The following RAP1GAP variants were observed in gnomAD, a reference collection of about 807,000 sequenced individuals.
RAP1GAP encodes the protein rap1 GTPase-activating protein 1.
In RAP1GAP, 35 loss-of-function variants were observed where a neutral mutation model predicts 87.2. The ratio of observed to expected loss-of-function variants is 0.40; its 90% CI spans 0.31 to 0.53. RAP1GAP has a LOEUF of 0.53. Ranked by LOEUF, RAP1GAP falls within the 20% of genes least tolerant of loss-of-function variation. RAP1GAP has a pLI of 0.48. For missense variants in RAP1GAP, 734 were observed against 898.9 expected (o/e 0.82, Z 2.35); for synonymous variants, 375 against 363.9 (o/e 1.03, Z -0.35).
At chr1:21,651,465 C>T (rs1354926178) in intron 1 of RAP1GAP, 1 of 609,600 alleles carries the variant, frequency 1.6e-6, no homozygotes, top group Non-Finnish European at 3.2e-6. Flanking sequence ...AGCCCCGCAG[C>T]CCCAGTCACA....
intron 2 of RAP1GAP, among the ~76,000 whole-genome samples, chr1:21,646,301 A>G (rs2096054018): frequency 2.0e-5 from 3 of 152,206 alleles, no homozygotes; most frequent in African/African-American, 7.2e-5. Flanking sequence ...ATTCAGGGCT[A>G]CATCACTCCC....
intron 15 of RAP1GAP, 34 bp from the exon 16 acceptor site, chr1:21,608,970 G>A: frequency 6.4e-7 from 1 of 1,567,640 alleles, no homozygotes; most frequent in East Asian, 2.2e-5. Context: ...GATAAGGAAG[G>A]GAAGTTGAGA....
chr1:21,632,618 GC>G (rs1357857425), intron 2 of RAP1GAP, among the ~76,000 whole-genome samples: 1 of 152,224 alleles, frequency 6.6e-6, no homozygotes, highest in East Asian at 1.9e-4. Flanking sequence ...AGCAGGGTCA[GC>G]CCAGGCTCAG....
intron 1 of RAP1GAP, among the ~76,000 whole-genome samples, chr1:21,657,925 G>A (rs1240885715): frequency 6.6e-6 from 1 of 152,146 alleles, no homozygotes; most frequent in African/African-American, 2.4e-5. Flanking sequence ...CCCCGACAAG[G>A]CCCTCATTGA....
At chr1:21,652,855 C>G (rs2096672696) in intron 1 of RAP1GAP, among the ~76,000 whole-genome samples, 1 of 152,138 alleles carries the variant, frequency 6.6e-6, no homozygotes, top group African/African-American at 2.4e-5. Context: ...AGTCTTCCCC[C>G]CATAGAGGGA....
chr1:21,659,132 C>T lies in RAP1GAP; in HGVS notation c.-148-9336G>A, dbSNP rs1430642555. On this transcript the variant is annotated intron_variant, in intron 1 of 24. Transcript: ENST00000374765. The stretch of plus-strand genomic sequence containing the variant: ...GTTGGTCAGGCTGGCCTCGAACTCC[C>T]GACCTCAGGTGATGCGCCCGCCTTA... Among the ~76,000 whole-genome samples, 4 of 152,012 alleles carry T rather than the reference C, an allele frequency of 2.6e-5. No homozygotes were observed. The South Asian group carries it at 8.3e-4, about 32-fold the overall frequency.
chr1:21,613,973 C>A lies in RAP1GAP; in HGVS notation c.395+13G>T. The stretch of plus-strand genomic sequence containing the variant: ...CCCTTCCTGCCATCTCAGGACTCCC[C>A]CACCACCCTCACCTGAGCAGCAGCC... On this transcript the variant is annotated intron_variant, in intron 8 of 24. Coordinates refer to ENST00000374765, the MANE Select transcript of RAP1GAP (RefSeq NM_002885.4). The surrounding 1 kb of genome is among the most constrained non-coding windows in gnomAD (Gnocchi z 4.7). 1 of 1,577,288 alleles carries A rather than the reference C, an allele frequency of 6.3e-7. No homozygotes were observed. Among genetic ancestry groups the A allele is most frequent in the South Asian group, 1.1e-5 (1 of 88,718 alleles).
intron 1 of RAP1GAP, among the ~76,000 whole-genome samples, chr1:21,650,524 AAAC>A (rs2096485363): frequency 6.6e-6 from 1 of 152,158 alleles, no homozygotes; most frequent in Non-Finnish European, 1.5e-5. Flanking sequence ...TTGGGACAAC[AAAC>A]AACTCGCCTC....
chr1:21,612,141 C>T (rs770660704), intron 10 of RAP1GAP, 32 bp from the exon 11 acceptor site: 10 of 1,488,440 alleles, frequency 6.7e-6, no homozygotes, highest in African/African-American at 5.6e-5. Flanking sequence ...GAAGAGGCTG[C>T]GTGTGCAAGC....
chr1:21,603,345 G>T lies in RAP1GAP; in HGVS notation c.1429-432C>A. On this transcript the variant is annotated intron_variant, in intron 18 of 24. Transcript: ENST00000374765. This position sits in a 1 kb window ranked among gnomAD's most constrained non-coding sequence, Gnocchi z 6.0. ...CGGAACCTCCAAATTGGCTGGGGGAGGTTCTGGCCCAGCAGCTGGAAGACT... is the reference window on the plus strand; with the variant it reads ...CGGAACCTCCAAATTGGCTGGGGGATGTTCTGGCCCAGCAGCTGGAAGACT... 2.4e-6 allele frequency: 1 copy of T among 415,836 alleles called. No homozygotes were observed. The highest frequency in any genetic ancestry group is 4.3e-6 in the Non-Finnish European group (1 of 232,186). The allele number at this position is 415,836 out of a possible 1,614,324, so 25.8% of individuals were successfully genotyped here.
chr1:21,618,312 C>T (rs959567730), intron 5 of RAP1GAP, among the ~76,000 whole-genome samples: 1 of 152,150 alleles, frequency 6.6e-6, no homozygotes, highest in African/African-American at 2.4e-5. Context: ...GTGGCACCGA[C>T]GCTGCTGGTG....
chr1:21,601,813 G>T lies in RAP1GAP; in HGVS notation c.1539-16C>A. The T allele has an allele frequency of 1.3e-6, 2 of 1,553,898 alleles. No individual in the cohort carries two copies. Among genetic ancestry groups the T allele is most frequent in the Non-Finnish European group, 1.8e-6 (2 of 1,141,574 alleles). ...AGGGCTCTCCCTGCGGGGCACACGG[G>T]GGCAGCGGGGGGATTCAGCACCAGG... On this transcript the variant is annotated splice_polypyrimidine_tract_variant and intron_variant, in intron 19 of 24. Transcript: ENST00000374765.
intron 1 of RAP1GAP, among the ~76,000 whole-genome samples, chr1:21,661,858 G>A (rs146440113): frequency 8.5e-5 from 13 of 152,328 alleles, no homozygotes; most frequent in African/African-American, 3.1e-4. Flanking sequence ...TGAATAATGA[G>A]GCCCCTCCAA....
At chr1:21,601,495 C>T (rs2068461177) in intron 20 of RAP1GAP, among the ~76,000 whole-genome samples, 189 bp downstream of exon 20, 1 of 152,330 alleles carries the variant, frequency 6.6e-6, no homozygotes, top group East Asian at 1.9e-4. Flanking sequence ...GAGCCGGGCG[C>T]GGGGCTGGGC....
At chr1:21,642,946 A>T (rs2095661740) in intron 2 of RAP1GAP, among the ~76,000 whole-genome samples, 1 of 149,300 alleles carries the variant, frequency 6.7e-6, no homozygotes, top group Non-Finnish European at 1.5e-5. Flanking sequence ...CTTTTGAGTC[A>T]CCTCCTCCAG....
chr1:21,667,461 G>C (rs1419245825), intron 1 of RAP1GAP: 1 of 152,340 alleles, frequency 6.6e-6, no homozygotes, highest in Non-Finnish European at 1.5e-5. Context: ...AGCAAGCTGG[G>C]AAGGTCCCAG....
chr1:21,614,478 T>C (rs998335880), intron 7 of RAP1GAP, among the ~76,000 whole-genome samples: 1 of 152,220 alleles, frequency 6.6e-6, no homozygotes, highest in Non-Finnish European at 1.5e-5. Context: ...TCTTCAGCCC[T>C]GGTCCTTCTC....
intron 7 of RAP1GAP, among the ~76,000 whole-genome samples, chr1:21,614,989 C>T (rs755022261): frequency 6.6e-6 from 1 of 152,226 alleles, no homozygotes; most frequent in Non-Finnish European, 1.5e-5. Flanking sequence ...CCCACGAATC[C>T]GCAGCTCAGG....
At chr1:21,661,660 C>G (rs2097159219) in intron 1 of RAP1GAP, among the ~76,000 whole-genome samples, 1 of 152,220 alleles carries the variant, frequency 6.6e-6, no homozygotes, top group Admixed American at 6.5e-5. Context: ...TAGGATTGTT[C>G]TTAGGATTCA....
Sources: allele counts gnomAD v4.1 joint callset (sites outside exome capture counted in the v4.1 genomes callset), GRCh38; gene constraint gnomAD v4.1.1; non-coding constraint Gnocchi (gnomAD v3.1); transcripts MANE v1.5; gene names NCBI Gene and HGNC (gene_info 2026-07-23, HGNC 2026-07-21).